Variants in RPS6KC1 observed in about 807,000 individuals in gnomAD.
RPS6KC1 encodes the protein inactive ribosomal protein S6 kinase delta-1.
In RPS6KC1, 54 loss-of-function variants were observed where a neutral mutation model predicts 103.8. The observed-to-expected ratio is 0.52, with a 90% CI of 0.42 to 0.65. RPS6KC1 has a LOEUF of 0.65. Ranked by LOEUF, RPS6KC1 falls within the 30% of genes least tolerant of loss-of-function variation. The probability of loss-of-function intolerance (pLI) is 0.00; values close to 1 mark genes in which losing one functional copy is unlikely to be tolerated. For missense variants in RPS6KC1, 1,151 were observed against 1,253.8 expected (o/e 0.92, Z 1.24); for synonymous variants, 439 against 438.7 (o/e 1.00, Z -0.01).
the RPS6KC1 span, among the ~76,000 whole-genome samples, chr1:213,452,079 G>A: frequency 6.6e-6 from 1 of 152,188 alleles, no homozygotes; most frequent in South Asian, 2.1e-4. Context: ...CAGTAAAACT[G>A]CAAATCCTTC....
chr1:213,388,519 C>T, the RPS6KC1 span, among the ~76,000 whole-genome samples: 36 of 152,176 alleles, frequency 2.4e-4, no homozygotes, highest in African/African-American at 5.8e-4. Context: ...AGCCAAGTAT[C>T]GATTTTGGGA....
chr1:213,379,208 C>T, the RPS6KC1 span, among the ~76,000 whole-genome samples: 14 of 152,292 alleles, frequency 9.2e-5, no homozygotes, highest in African/African-American at 3.4e-4. Context: ...TGAATTCTGT[C>T]TCTCCCAAAT....
the RPS6KC1 span, among the ~76,000 whole-genome samples, chr1:213,708,205 C>CT: frequency 6.6e-6 from 1 of 152,084 alleles, no homozygotes; most frequent in Non-Finnish European, 1.5e-5. Context: ...TGTGTCCTCT[C>CT]TTATTTCCTT....
intron 1 of RPS6KC1, among the ~76,000 whole-genome samples, chr1:213,052,937 G>A (rs372715009): frequency 6.6e-6 from 1 of 152,186 alleles, no homozygotes; most frequent in Non-Finnish European, 1.5e-5. Flanking sequence ...ATGTGAGAAG[G>A]AGGGATAGAT....
intron 8 of RPS6KC1, among the ~76,000 whole-genome samples, chr1:213,209,275 C>G (rs1379931697): frequency 6.6e-6 from 1 of 152,170 alleles, no homozygotes; most frequent in Non-Finnish European, 1.5e-5. Context: ...TTTACCACCT[C>G]AAACTTATCT....
chr1:213,387,341 G>T, the RPS6KC1 span, among the ~76,000 whole-genome samples: 37 of 152,340 alleles, frequency 2.4e-4, no homozygotes, highest in African/African-American at 8.7e-4. Context: ...CATTTGCATT[G>T]TAATTGCCTG....
the RPS6KC1 span, among the ~76,000 whole-genome samples, chr1:213,602,003 TTTC>T: frequency 1.9e-5 from 1 of 53,624 alleles, no homozygotes; most frequent in Admixed American, 2.1e-4. Context: ...TTTCTTTTCT[TTTC>T]TTTTCTTTTC....
the RPS6KC1 span, among the ~76,000 whole-genome samples, chr1:213,464,187 GAATTATTATGCTAGCTTCATAA>G: frequency 1.3e-5 from 2 of 152,120 alleles, no homozygotes; most frequent in Admixed American, 1.3e-4. Context: ...CTCAGAACTA[GAATTATTATGCTAGCTTCATAA>G]AATCAGTTTA....
the RPS6KC1 span, chr1:213,843,642 A>G: frequency 6.6e-6 from 1 of 152,232 alleles, no homozygotes; most frequent in Non-Finnish European, 1.5e-5. Flanking sequence ...AAAGAAAAAA[A>G]TCTCCTGACC....
At chr1:213,108,417 G>C (rs1362047270) in intron 4 of RPS6KC1, among the ~76,000 whole-genome samples, 1 of 152,058 alleles carries the variant, frequency 6.6e-6, no homozygotes, top group African/African-American at 2.4e-5. Context: ...CTTATTTCTG[G>C]ACTGTTGATA....
chr1:213,828,067 C>A, the RPS6KC1 span, among the ~76,000 whole-genome samples: 1 of 151,866 alleles, frequency 6.6e-6, no homozygotes, highest in Non-Finnish European at 1.5e-5. Context: ...GAGGAAATTC[C>A]TTTTTGTCAG....
chr1:213,570,598 C>G, the RPS6KC1 span, among the ~76,000 whole-genome samples: 1 of 152,222 alleles, frequency 6.6e-6, no homozygotes, highest in African/African-American at 2.4e-5. Context: ...AAGAACTTTT[C>G]ATTTCCTCTA....
the RPS6KC1 span, among the ~76,000 whole-genome samples, chr1:213,709,246 C>T: frequency 4.6e-5 from 7 of 152,184 alleles, no homozygotes; most frequent in Non-Finnish European, 1.0e-4. Flanking sequence ...TTGATCTATT[C>T]GGGGATTCGA....
chr1:213,748,105 A>G, the RPS6KC1 span, among the ~76,000 whole-genome samples: 3 of 152,204 alleles, frequency 2.0e-5, no homozygotes, highest in Admixed American at 1.3e-4. Flanking sequence ...CCAAGGCAAG[A>G]GCATCACTGA....
At chr1:213,263,749 A>G (rs998096831) in intron 14 of RPS6KC1, among the ~76,000 whole-genome samples, 2 of 152,224 alleles carry the variant, frequency 1.3e-5, no homozygotes, top group African/African-American at 2.4e-5. Context: ...GCTATAAGCT[A>G]CAAAGGTAAG....
the RPS6KC1 span, among the ~76,000 whole-genome samples, chr1:213,755,674 T>C: frequency 6.6e-6 from 1 of 152,212 alleles, no homozygotes; most frequent in Non-Finnish European, 1.5e-5. Flanking sequence ...TTGTCCTATA[T>C]ATGGAAACTT....
the RPS6KC1 span, among the ~76,000 whole-genome samples, chr1:213,283,185 C>T: frequency 1.3e-5 from 2 of 152,160 alleles, no homozygotes; most frequent in African/African-American, 4.8e-5. Flanking sequence ...TACAGGGACT[C>T]TGCGAAACTG....
At chr1:213,696,114 T>C in the RPS6KC1 span, among the ~76,000 whole-genome samples, 1,091 of 152,340 alleles carry the variant, frequency 7.2e-3, 16 homozygotes, top group African/African-American at 0.025. Context: ...ATCAGTCATC[T>C]TGCAACAACC....
At chr1:213,374,472 T>C in the RPS6KC1 span, among the ~76,000 whole-genome samples, 2 of 152,084 alleles carry the variant, frequency 1.3e-5, no homozygotes, top group African/African-American at 4.8e-5. Context: ...GGGGGATTCA[T>C]TAGGCCACCA....
Sources: allele counts gnomAD v4.1 joint callset (sites outside exome capture counted in the v4.1 genomes callset), GRCh38; gene constraint gnomAD v4.1.1; transcripts MANE v1.5; gene names NCBI Gene and HGNC (gene_info 2026-07-23, HGNC 2026-07-21).